Variants in RAB34 observed in about 807,000 individuals in gnomAD.
RAB34 encodes the protein ras-related protein Rab-34.
Under a neutral mutation model 39.0 loss-of-function variants are expected in RAB34, and 33 were observed. That is an observed-to-expected ratio of 0.85 (90% CI 0.64 to 1.13). The LOEUF is 1.13. Ranked by LOEUF, RAB34 falls within the 50% of genes most tolerant of loss-of-function variation. The pLI, the probability that RAB34 is intolerant of heterozygous loss-of-function variation, is 0.00. For synonymous variants in RAB34, 135 were observed against 125.1 expected (o/e 1.08, Z -0.53); for missense variants, 289 against 326.1 (o/e 0.89, Z 0.88).
At position 28,717,768 on chromosome 17, in the gene RAB34, C is replaced by G; in HGVS notation, c.-502G>C. 2 of 1,328,664 alleles carry G rather than the reference C, an allele frequency of 1.5e-6. No individual in the cohort carries two copies. Among genetic ancestry groups the G allele is most frequent in the Non-Finnish European group, 1.9e-6 (2 of 1,045,314 alleles). The allele number at this position is 1,328,664 out of a possible 1,614,324, so 82.3% of individuals were successfully genotyped here. On this transcript the variant is annotated 5_prime_UTR_variant, in exon 1 of 10. Coordinates refer to ENST00000395245, the MANE Select transcript of RAB34 (RefSeq NM_031934.6). ...CACACGGGGTCAGTGTGGGCAGGGG[C>G]GGCGCTGCCAAGGCCCGCAGGCCGC...
intron 5 of RAB34, 55 bp downstream of exon 5, chr17:28,715,586 T>C: frequency 6.2e-7 from 1 of 1,614,036 alleles, no homozygotes; most frequent in Admixed American, 1.7e-5. Flanking sequence ...CAGCTCCATA[T>C]GAGAAGCCAT....
chr17:28,714,925 T>A (rs775851873), intron 8 of RAB34, 25 bp from the exon 9 acceptor site: 53 of 1,606,392 alleles, frequency 3.3e-5, no homozygotes, highest in African/African-American at 1.3e-5. Context: ...AGATAGGTGC[T>A]CAGGGGCAGT....
At position 28,717,432 on chromosome 17, in the gene RAB34, C is replaced by T. The variant is rs1480733046; in HGVS notation, c.-166G>A. On this transcript the variant is annotated 5_prime_UTR_variant, in exon 1 of 10. Transcript: ENST00000395245. The stretch of plus-strand genomic sequence containing the variant: ...GTCCGCGGTCTCGGAGACGCTACGA[C>T]CACCGCGGGCCACGGAGATGAAACA... 1.7e-5 allele frequency: 26 copies of T among 1,486,128 alleles called. No individual in the cohort carries two copies. Among genetic ancestry groups the T allele is most frequent in the East Asian group, 5.2e-5 (2 of 38,826 alleles). 92.1% of individuals were successfully genotyped at this position (1,486,128 alleles called of 1,614,324 possible). A position where few individuals can be genotyped will look rare whatever the true frequency, so the allele number is the denominator to read the frequency against.
At position 28,715,580 on chromosome 17, in the gene RAB34, T is replaced by C. The variant is rs1597762432; in HGVS notation, c.379+61A>G. Reference sequence around the variant, plus strand: ...TGCTCATTTCCCCAATCCTTCCAGCTCCATATGAGAAGCCATGTGCACTCT... The same window carrying C: ...TGCTCATTTCCCCAATCCTTCCAGCCCCATATGAGAAGCCATGTGCACTCT... On this transcript the variant is annotated intron_variant, in intron 5 of 9. Transcript: ENST00000395245. The C allele has an allele frequency of 5.0e-6, 8 of 1,613,842 alleles. No homozygotes were observed. In the East Asian group the frequency reaches 1.6e-4, roughly 31 times the overall value.
chr17:28,714,940 G>T, intron 8 of RAB34, 40 bp from the exon 9 acceptor site: 1 of 1,600,048 alleles, frequency 6.2e-7, no homozygotes, highest in Non-Finnish European at 8.6e-7. Flanking sequence ...GGCAGTGCTG[G>T]GTCTGGGGAC....
intron 6 of RAB34, 82 bp downstream of exon 6, chr17:28,715,374 A>T: frequency 6.3e-7 from 1 of 1,594,734 alleles, no homozygotes; most frequent in African/African-American, 1.3e-5. Context: ...TCCTACATGC[A>T]TTCTTCTTCT....
At chr17:28,716,080 A>G in intron 2 of RAB34, 22 bp from the exon 3 acceptor site, 1 of 1,613,476 alleles carries the variant, frequency 6.2e-7, no homozygotes, top group East Asian at 2.2e-5. Context: ...AAGAGTGGGC[A>G]AGGGGAGTGG....
In RAB34 at chr17:28,714,429, T is replaced by A; in HGVS notation, c.*214A>T. On this transcript the variant is annotated 3_prime_UTR_variant, in exon 10 of 10. Transcript: ENST00000395245. ...CCACTGGGCGCCCTGGACAGTCCCC[T>A]GAGGAGTAGGGGGCATCCAGTCTTT... The A allele has an allele frequency of 1.0e-6, 1 of 965,298 alleles. No homozygotes were observed. The highest frequency in any genetic ancestry group is 1.5e-5 in the South Asian group (1 of 68,896). The allele number at this position is 965,298 out of a possible 1,614,324, so 59.8% of individuals were successfully genotyped here. A position where few individuals can be genotyped will look rare whatever the true frequency, so the allele number is the denominator to read the frequency against.
intron 6 of RAB34, 75 bp downstream of exon 6, chr17:28,715,381 T>G: frequency 1.2e-6 from 2 of 1,600,818 alleles, no homozygotes; most frequent in Non-Finnish European, 1.7e-6. Context: ...TGCATTCTTC[T>G]TCTTCCTGAC....
At position 28,717,521 on chromosome 17, in the gene RAB34, G is replaced by A. The variant is rs2033722143; in HGVS notation, c.-255C>T. The A allele has an allele frequency of 1.4e-6, 2 of 1,425,738 alleles. No homozygotes were observed. The highest frequency in any genetic ancestry group is 1.5e-5 in the African/African-American group (1 of 67,990). The allele number at this position is 1,425,738 out of a possible 1,614,324, so 88.3% of individuals were successfully genotyped here. A position where few individuals can be genotyped will look rare whatever the true frequency, so the allele number is the denominator to read the frequency against. On this transcript the variant is annotated 5_prime_UTR_variant, in exon 1 of 10. Coordinates refer to ENST00000395245, the MANE Select transcript of RAB34 (RefSeq NM_031934.6). ...CCTGGGCGTCCCGAAGATGACTCTG[G>A]GGCGAGGAGACTCTTCGGCCGCCAA...
Position 28,716,739 on chromosome 17 carries a change from C to T in RAB34, c.146+164G>A, listed in dbSNP as rs1288373843. 12 of 796,238 alleles carry T rather than the reference C, an allele frequency of 1.5e-5. No individual in the cohort carries two copies. In the East Asian group the frequency reaches 2.1e-4, roughly 14 times the overall value. The allele number at this position is 796,238 out of a possible 1,614,324, so 49.3% of individuals were successfully genotyped here. A position where few individuals can be genotyped will look rare whatever the true frequency, so the allele number is the denominator to read the frequency against. ...CCCATCTCATAGAACTCACAACAACCTTGTTGGGAGAAAAGGAGGGGATAC... is the reference window on the plus strand; with the variant it reads ...CCCATCTCATAGAACTCACAACAACTTTGTTGGGAGAAAAGGAGGGGATAC... On this transcript the variant is annotated intron_variant, in intron 2 of 9. Coordinates refer to ENST00000395245, the MANE Select transcript of RAB34 (RefSeq NM_031934.6).
In RAB34 at chr17:28,714,489, G is replaced by T. The variant is rs2032992876; in HGVS notation, c.*154C>A. On this transcript the variant is annotated 3_prime_UTR_variant, in exon 10 of 10. Coordinates refer to ENST00000395245, the MANE Select transcript of RAB34 (RefSeq NM_031934.6). The stretch of plus-strand genomic sequence containing the variant: ...CCTGGGGGCAGGAAGTGACTAGCAT[G>T]ATCCCAGCTACCCCTCTGTGGGAAT... 6.5e-7 allele frequency: 1 copy of T among 1,543,440 alleles called. No individual in the cohort carries two copies. Among genetic ancestry groups the T allele is most frequent in the African/African-American group, 1.4e-5 (1 of 73,458 alleles).
Position 28,716,072 on chromosome 17 carries a change from G to A in RAB34, c.147-14C>T, listed in dbSNP as rs1358452421. 6.2e-7 allele frequency: 1 copy of A among 1,613,674 alleles called. No individual in the cohort carries two copies. Among genetic ancestry groups the A allele is most frequent in the Non-Finnish European group, 8.5e-7 (1 of 1,180,026 alleles). On this transcript the variant is annotated splice_polypyrimidine_tract_variant and intron_variant, in intron 2 of 9. Transcript: ENST00000395245. ...GAGATCTTAAATCTGCTGGACACAA[G>A]AGTGGGCAAGGGGAGTGGGCACGAG... is the stretch of plus-strand genomic sequence containing the variant.
chr17:28,715,591 A>C (rs757937369), intron 5 of RAB34, 50 bp downstream of exon 5: 1 of 1,614,058 alleles, frequency 6.2e-7, no homozygotes, highest in East Asian at 2.2e-5. Context: ...CCATATGAGA[A>C]GCCATGTGCA....
Position 28,715,175 on chromosome 17 carries a change from C to G in RAB34, c.513+20G>C, listed in dbSNP as rs1298882083. On this transcript the variant is annotated intron_variant, in intron 7 of 9. Transcript: ENST00000395245. ...GCATTCCCTCACCAAGCTGGGAAGT[C>G]CCCCCACTGGCACACTCACACTCAG... 17 of 1,613,302 alleles carry G rather than the reference C, an allele frequency of 1.1e-5. No individual in the cohort carries two copies. In the Admixed American group the frequency reaches 2.7e-4, roughly 25 times the overall value.
chr17:28,717,557 G>T lies in RAB34; in HGVS notation c.-291C>A, dbSNP rs2033733643. The stretch of plus-strand genomic sequence containing the variant: ...CTCTTCGGCCGCCAATTGGGGGCGG[G>T]GAGTCCCGTCTGGTGGGGGCCGGGC... On this transcript the variant is annotated 5_prime_UTR_variant, in exon 1 of 10. Coordinates refer to ENST00000395245, the MANE Select transcript of RAB34 (RefSeq NM_031934.6). 27 of 1,420,400 alleles carry T rather than the reference G, an allele frequency of 1.9e-5. No individual in the cohort carries two copies. Among genetic ancestry groups the T allele is most frequent in the Non-Finnish European group, 2.5e-5 (27 of 1,090,754 alleles). The allele number at this position is 1,420,400 out of a possible 1,614,324, so 88.0% of individuals were successfully genotyped here.
At chr17:28,715,776 TG>T in intron 4 of RAB34, 23 bp downstream of exon 4, 1 of 1,612,314 alleles carries the variant, frequency 6.2e-7, no homozygotes, top group Non-Finnish European at 8.5e-7. Flanking sequence ...AAGGGATAGC[TG>T]GAAGGGGTGT....
chr17:28,714,790 C>G lies in RAB34; in HGVS notation c.712+3G>C. 6.2e-7 allele frequency: 1 copy of G among 1,614,144 alleles called. No homozygotes were observed. Among genetic ancestry groups the G allele is most frequent in the Non-Finnish European group, 8.5e-7 (1 of 1,180,014 alleles). On this transcript the variant is annotated splice_donor_region_variant and intron_variant, in intron 9 of 9. Coordinates refer to ENST00000395245, the MANE Select transcript of RAB34 (RefSeq NM_031934.6). ...TGCCACCCTCAACCAGGCAAGCACT[C>G]ACGGACAACATCCCCAATGCGTCGA...
chr17:28,715,743 T>TG, intron 4 of RAB34, 38 bp from the exon 5 acceptor site: 1 of 1,613,412 alleles, frequency 6.2e-7, no homozygotes. Flanking sequence ...GTATGTATCT[T>TG]GGGGGGTGTG....
Sources: allele counts gnomAD v4.1 joint callset, GRCh38; gene constraint gnomAD v4.1.1; transcripts MANE v1.5; gene names NCBI Gene and HGNC (gene_info 2026-07-23, HGNC 2026-07-21).